The following TMEM178A variants were observed in gnomAD, a reference collection of about 807,000 sequenced individuals.
TMEM178A encodes the protein transmembrane protein 178.
TMEM178A carries 12 observed loss-of-function variants against 29.1 expected under a neutral mutation model. That is an observed-to-expected ratio of 0.41 (90% CI 0.26 to 0.67). The LOEUF is 0.67. Ranked by LOEUF, TMEM178A falls within the 30% of genes least tolerant of loss-of-function variation. The pLI, the probability that TMEM178A is intolerant of heterozygous loss-of-function variation, is 0.29. For missense variants in TMEM178A, 366 were observed against 419.1 expected (o/e 0.87, Z 1.11); for synonymous variants, 210 against 187.2 (o/e 1.12, Z -0.99).
intron 1 of TMEM178A, among the ~76,000 whole-genome samples, chr2:39,670,433 G>A (rs370665574): frequency 3.3e-5 from 5 of 152,312 alleles, no homozygotes; most frequent in African/African-American, 9.6e-5. Context: ...AGTGGAGTTA[G>A]TATTTTCTAG....
At chr2:39,669,485 T>C (rs1283122190) in intron 1 of TMEM178A, among the ~76,000 whole-genome samples, 2 of 152,206 alleles carry the variant, frequency 1.3e-5, no homozygotes, top group Non-Finnish European at 2.9e-5. Flanking sequence ...TAGAAAAGCA[T>C]TTATCTCAAT....
chr2:39,715,364 G>A (rs1217608415), intron 3 of TMEM178A, among the ~76,000 whole-genome samples: 1 of 152,174 alleles, frequency 6.6e-6, no homozygotes, highest in African/African-American at 2.4e-5. Flanking sequence ...TTTATTAAAA[G>A]GGCTTTGTTA....
chr2:39,677,981 A>G (rs1275066568), intron 1 of TMEM178A, among the ~76,000 whole-genome samples: 1 of 152,132 alleles, frequency 6.6e-6, no homozygotes, highest in Non-Finnish European at 1.5e-5. Context: ...AAAGCAAGCA[A>G]GCAGGCAGGA....
At chr2:39,712,376 T>C (rs1672348766) in intron 3 of TMEM178A, among the ~76,000 whole-genome samples, 1 of 152,130 alleles carries the variant, frequency 6.6e-6, no homozygotes, top group Admixed American at 6.5e-5. Flanking sequence ...GTTACCCTAA[T>C]TACATCTTAC....
At chr2:39,685,808 A>G (rs1469472246) in intron 1 of TMEM178A, among the ~76,000 whole-genome samples, 2 of 152,238 alleles carry the variant, frequency 1.3e-5, no homozygotes, top group African/African-American at 4.8e-5. Flanking sequence ...GACCATGATT[A>G]TTAAGCCAAA....
At chr2:39,696,452 A>G (rs1671545164) in intron 1 of TMEM178A, among the ~76,000 whole-genome samples, 2 of 152,206 alleles carry the variant, frequency 1.3e-5, no homozygotes, top group Admixed American at 1.3e-4. Flanking sequence ...TGGGCCACAC[A>G]TCCTATGCTA....
intron 1 of TMEM178A, among the ~76,000 whole-genome samples, chr2:39,669,220 T>G (rs1464820961): frequency 1.3e-5 from 2 of 152,168 alleles, no homozygotes. Context: ...ATGTCAGCAT[T>G]TTCTTCTCTG....
At chr2:39,718,829 T>A (rs1672643508), downstream of TMEM178A, among the ~76,000 whole-genome samples, 1 of 152,230 alleles carries the variant, frequency 6.6e-6, no homozygotes, top group African/African-American at 2.4e-5. Flanking sequence ...TGTTCCCGAT[T>A]CTACACACAA....
intron 1 of TMEM178A, among the ~76,000 whole-genome samples, chr2:39,702,846 TC>T (rs1671849641): frequency 6.6e-6 from 1 of 152,194 alleles, no homozygotes; most frequent in Non-Finnish European, 1.5e-5. Context: ...AAATTCAGCT[TC>T]CTGGCTCCAT....
intron 1 of TMEM178A, among the ~76,000 whole-genome samples, chr2:39,678,549 CAG>C (rs1558445374): frequency 6.6e-6 from 1 of 151,896 alleles, no homozygotes; most frequent in African/African-American, 2.4e-5. Flanking sequence ...AGACAGAAAA[CAG>C]GGAGGGGATA....
downstream of TMEM178A, among the ~76,000 whole-genome samples, chr2:39,720,773 C>T (rs1672687894): frequency 6.6e-6 from 1 of 152,128 alleles, no homozygotes. Flanking sequence ...GAGCTGACTC[C>T]CTTAGCACCA....
At chr2:39,669,228 C>G (rs1670306060) in intron 1 of TMEM178A, among the ~76,000 whole-genome samples, 1 of 152,180 alleles carries the variant, frequency 6.6e-6, no homozygotes, top group Non-Finnish European at 1.5e-5. Flanking sequence ...ATTTTCTTCT[C>G]TGGACCTAGA....
At chr2:39,685,424 T>G (rs1437058181) in intron 1 of TMEM178A, among the ~76,000 whole-genome samples, 1 of 152,128 alleles carries the variant, frequency 6.6e-6, no homozygotes, top group Non-Finnish European at 1.5e-5. Context: ...TATGTCAGAG[T>G]TGTAATTTGA....
chr2:39,717,263 G>A lies in TMEM178A; in HGVS notation c.*12G>A, dbSNP rs756202078. The A allele has an allele frequency of 6.2e-7, 1 of 1,612,524 alleles. No homozygotes were observed. The highest frequency in any genetic ancestry group is 8.5e-7 in the Non-Finnish European group (1 of 1,179,398). The stretch of plus-strand genomic sequence containing the variant: ...ACTCCACGGTATGACTGTCCTCACT[G>A]GGCCTGTCCACAGTGCGAGCGACTC... On this transcript the variant is annotated 3_prime_UTR_variant, in exon 4 of 4. Transcript: ENST00000281961.
chr2:39,682,434 C>T (rs1423437891), intron 1 of TMEM178A, among the ~76,000 whole-genome samples: 1 of 151,644 alleles, frequency 6.6e-6, no homozygotes, highest in African/African-American at 2.4e-5. Context: ...TGCTTATTGC[C>T]TTCCTAAATA....
chr2:39,708,137 A>G (rs1250913040), intron 3 of TMEM178A, among the ~76,000 whole-genome samples: 1 of 152,208 alleles, frequency 6.6e-6, no homozygotes, highest in Non-Finnish European at 1.5e-5. Context: ...GGACTCAGGG[A>G]AGATCTTGCT....
intron 3 of TMEM178A, among the ~76,000 whole-genome samples, chr2:39,708,116 G>A (rs1672119139): frequency 6.6e-6 from 1 of 152,208 alleles, no homozygotes; most frequent in African/African-American, 2.4e-5. Flanking sequence ...AAAAGAAACA[G>A]GGTGAAACAG....
At chr2:39,687,935 G>C (rs186135616) in intron 1 of TMEM178A, among the ~76,000 whole-genome samples, 1 of 152,310 alleles carries the variant, frequency 6.6e-6, no homozygotes, top group Non-Finnish European at 1.5e-5. Flanking sequence ...TCACTTGTTA[G>C]CTGTGGGACT....
chr2:39,665,965 G>A lies in TMEM178A; in HGVS notation c.-10G>A, dbSNP rs1477774676. The A allele has an allele frequency of 3.0e-6, 4 of 1,344,900 alleles. No homozygotes were observed. The highest frequency in any genetic ancestry group is 2.8e-4 in the Middle Eastern group (1 of 3,596). The allele number at this position is 1,344,900 out of a possible 1,614,324, so 83.3% of individuals were successfully genotyped here. The stretch of plus-strand genomic sequence containing the variant: ...CGAGCCCACCGGCGGCTGCGGCGGG[G>A]CGGGAAGCCATGGAGCCGCGGGCGC... On this transcript the variant is annotated 5_prime_UTR_variant, in exon 1 of 4. Coordinates refer to ENST00000281961, the MANE Select transcript of TMEM178A (RefSeq NM_152390.3).
Sources: allele counts gnomAD v4.1 joint callset (sites outside exome capture counted in the v4.1 genomes callset), GRCh38; gene constraint gnomAD v4.1.1; transcripts MANE v1.5; gene names NCBI Gene and HGNC (gene_info 2026-07-23, HGNC 2026-07-21).